HSF2: variants seen among roughly 807,000 people sequenced by gnomAD.
HSF2 encodes heat shock factor protein 2.
HSF2 carries 21 observed loss-of-function variants against 65.0 expected under a neutral mutation model. The observed-to-expected ratio is 0.32, with a 90% CI of 0.23 to 0.47. The LOEUF (loss-of-function observed/expected upper bound fraction) is 0.47, where lower values mean the gene tolerates loss of function less well. Ranked by LOEUF, HSF2 falls within the 20% of genes least tolerant of loss-of-function variation. HSF2 has a pLI of 1.00. For missense variants in HSF2, 499 were observed against 628.1 expected (o/e 0.79, Z 2.20); for synonymous variants, 225 against 219.1 (o/e 1.03, Z -0.24).
intron 1 of HSF2, among the ~76,000 whole-genome samples, chr6:122,404,021 T>G (rs1173842055): frequency 2.0e-5 from 3 of 152,204 alleles, no homozygotes; most frequent in Admixed American, 6.5e-5. Flanking sequence ...CATCCTTTTG[T>G]CAGTGTTGTT....
chr6:122,431,360 T>A (rs1774461708), intron 11 of HSF2, 70 bp from the exon 12 acceptor site: 1 of 644,422 alleles, frequency 1.6e-6, no homozygotes. Flanking sequence ...ACATATTGTA[T>A]CAATTTTTCA....
At chr6:122,431,903 A>G in intron 12 of HSF2, 22 bp from the exon 13 acceptor site, 1 of 1,595,946 alleles carries the variant, frequency 6.3e-7, no homozygotes, top group Non-Finnish European at 8.5e-7. Flanking sequence ...GTGATAAAAG[A>G]GTGTTTTTCT....
intron 1 of HSF2, among the ~76,000 whole-genome samples, chr6:122,409,731 G>A (rs1773947197): frequency 6.6e-6 from 1 of 151,882 alleles, no homozygotes; most frequent in African/African-American, 2.4e-5. Flanking sequence ...GTTTCTGTTA[G>A]GAAGAAAGTA....
chr6:122,423,755 T>A, intron 10 of HSF2, 69 bp downstream of exon 10: 1 of 785,018 alleles, frequency 1.3e-6, no homozygotes, highest in Non-Finnish European at 2.0e-6. Flanking sequence ...TAAAAACCAG[T>A]ACGTCATTTT....
intron 4 of HSF2, 87 bp downstream of exon 4, chr6:122,413,736 A>G: frequency 9.0e-7 from 1 of 1,106,730 alleles, no homozygotes; most frequent in Non-Finnish European, 1.3e-6. Flanking sequence ...CTGATGTTTT[A>G]TTGTAAGTAC....
intron 1 of HSF2, among the ~76,000 whole-genome samples, chr6:122,410,261 T>A (rs17199980): frequency 0.09 from 13,605 of 151,894 alleles, 746 homozygotes; most frequent in South Asian, 0.15. Context: ...TTAGAGAGAA[T>A]TGACACCTTT....
At chr6:122,417,999 T>C (rs543757796) in intron 5 of HSF2, among the ~76,000 whole-genome samples, 2 of 152,330 alleles carry the variant, frequency 1.3e-5, no homozygotes, top group South Asian at 2.1e-4. Context: ...AAAATTGATA[T>C]TGATTATAAG....
At chr6:122,401,885 G>A in intron 1 of HSF2, among the ~76,000 whole-genome samples, 1 of 152,144 alleles carries the variant, frequency 6.6e-6, no homozygotes, top group Non-Finnish European at 1.5e-5. Flanking sequence ...GGCTTGGACA[G>A]GTGAGATTAT....
At chr6:122,423,273 G>T (rs1774275399) in intron 9 of HSF2, among the ~76,000 whole-genome samples, 1 of 152,030 alleles carries the variant, frequency 6.6e-6, no homozygotes, top group African/African-American at 2.4e-5. Context: ...TTATAACAAA[G>T]AAAACTTAAT....
intron 1 of HSF2, among the ~76,000 whole-genome samples, chr6:122,404,616 G>A (rs1170362200): frequency 6.6e-6 from 1 of 152,058 alleles, no homozygotes; most frequent in Non-Finnish European, 1.5e-5. Context: ...GGAGAGTAAC[G>A]ACTGTTTCTA....
chr6:122,431,517 A>G lies in HSF2; in HGVS notation c.1315+3A>G, dbSNP rs1381414491. The stretch of plus-strand genomic sequence containing the variant: ...AAGAAAATCTAAATCCAAACCAGGT[A>G]GGTATAAATATAGTATTCAGTCTCT... On this transcript the variant is annotated splice_donor_region_variant and intron_variant, in intron 12 of 12. Coordinates refer to ENST00000368455, the MANE Select transcript of HSF2 (RefSeq NM_004506.4). 2.0e-6 allele frequency: 3 copies of G among 1,515,606 alleles called. No individual in the cohort carries two copies. The highest frequency in any genetic ancestry group is 2.3e-5 in the South Asian group (2 of 87,052). 93.9% of individuals were successfully genotyped at this position (1,515,606 alleles called of 1,614,324 possible). A position where few individuals can be genotyped will look rare whatever the true frequency, so the allele number is the denominator to read the frequency against.
intron 1 of HSF2, among the ~76,000 whole-genome samples, chr6:122,403,804 G>C (rs554638861): frequency 1.1e-4 from 17 of 152,068 alleles, no homozygotes; most frequent in African/African-American, 3.9e-4. Context: ...ACTGTCAGAC[G>C]ACCTAAAACT....
At chr6:122,419,728 A>G (rs1048027738) in intron 6 of HSF2, among the ~76,000 whole-genome samples, 4 of 152,204 alleles carry the variant, frequency 2.6e-5, no homozygotes, top group Non-Finnish European at 4.4e-5. Context: ...AGTTGGAAGG[A>G]AAAAATGATC....
intron 1 of HSF2, among the ~76,000 whole-genome samples, chr6:122,411,716 T>C (rs1773999392): frequency 6.6e-6 from 1 of 151,940 alleles, no homozygotes; most frequent in African/African-American, 2.4e-5. Context: ...CTTGACACTG[T>C]TGTCAAAAAT....
intron 4 of HSF2, among the ~76,000 whole-genome samples, chr6:122,415,924 C>T (rs1323268516): frequency 2.6e-5 from 4 of 151,912 alleles, no homozygotes; most frequent in African/African-American, 2.4e-5. Flanking sequence ...AGCTGAGGCA[C>T]GAGAATTGCT....
Position 122,432,474 on chromosome 6 carries a change from T to C in HSF2, c.*254T>C. 2.7e-6 allele frequency: 1 copy of C among 374,682 alleles called. No homozygotes were observed. Among genetic ancestry groups the C allele is most frequent in the Non-Finnish European group, 4.8e-6 (1 of 207,082 alleles). 23.2% of individuals were successfully genotyped at this position (374,682 alleles called of 1,614,324 possible). A position where few individuals can be genotyped will look rare whatever the true frequency, so the allele number is the denominator to read the frequency against. On this transcript the variant is annotated 3_prime_UTR_variant, in exon 13 of 13. Coordinates refer to ENST00000368455, the MANE Select transcript of HSF2 (RefSeq NM_004506.4). ...TAAGTTGGATTCAAATGGCCATTTT[T>C]CTCCAATTTTGGTAAATTGGATATC...
chr6:122,425,297 C>G (rs1774315823), intron 10 of HSF2, among the ~76,000 whole-genome samples: 1 of 151,990 alleles, frequency 6.6e-6, no homozygotes, highest in Non-Finnish European at 1.5e-5. Context: ...AAACTCTGCA[C>G]TGCCTGTGTT....
In HSF2 at chr6:122,399,820, C is replaced by T. The variant is rs1047392130; in HGVS notation, c.83C>T (p.Thr28Ile). 6 of 1,611,564 alleles carry T rather than the reference C, an allele frequency of 3.7e-6. No individual in the cohort carries two copies. The African/African-American group carries it at 6.7e-5, about 18-fold the overall frequency. Residue 28 changes from threonine (T) to isoleucine (I), a missense_variant, in exon 1 of 13, where the codon ACC becomes ATC. This residue lies in a region of HSF2 where 150 missense variants were observed against 234.6 expected (regional missense o/e 0.64). Transcript: ENST00000368455. Reference sequence around the variant, plus strand: ...GAAACCCACACTAACGAGTTCATCACCTGGAGCCAGGTACGGTCAGGCCAC... The same window carrying T: ...GAAACCCACACTAACGAGTTCATCATCTGGAGCCAGGTACGGTCAGGCCAC... ...VEETHTNEFI[T>I]WSQNGQSFLV...
At chr6:122,421,496 A>G (rs1774234745) in intron 7 of HSF2, among the ~76,000 whole-genome samples, 1 of 136,760 alleles carries the variant, frequency 7.3e-6, no homozygotes, top group South Asian at 2.2e-4. Flanking sequence ...AAAGTACTTC[A>G]CATCCTTTGC....
Sources: gnomAD v4.1 joint callset for allele counts (sites outside exome capture counted in the v4.1 genomes callset) on GRCh38, gnomAD v4.1.1 for gene constraint, gnomAD v4.1.1 regional missense constraint, MANE v1.5 for transcripts, NCBI Gene and HGNC (gene_info 2026-07-23, HGNC 2026-07-21) for gene names.